The following HTR1F variants were observed in gnomAD, a reference collection of about 807,000 sequenced individuals.
HTR1F encodes the protein 5-hydroxytryptamine receptor 1F.
HTR1F carries 17 observed loss-of-function variants against 24.0 expected under a neutral mutation model. The ratio of observed to expected loss-of-function variants is 0.71; its 90% CI spans 0.48 to 1.06. HTR1F has a LOEUF of 1.06. HTR1F is among the 50% of genes least tolerant of loss of function. The pLI is 0.00. For synonymous variants in HTR1F, 186 were observed against 156.8 expected, an observed-to-expected ratio of 1.19 and a Z score of -1.39; for missense variants, 391 against 427.8, an observed-to-expected ratio of 0.91 and a Z score of 0.76.
intron 2 of HTR1F, among the ~76,000 whole-genome samples, chr3:87,848,760 C>G (rs57688062): frequency 0.12 from 18,766 of 151,484 alleles, 1,637 homozygotes; most frequent in African/African-American, 0.22. Flanking sequence ...TCAGCAAAGT[C>G]TCAGGATACA....
At chr3:87,848,486 G>T (rs1350550236) in intron 2 of HTR1F, among the ~76,000 whole-genome samples, 1 of 151,592 alleles carries the variant, frequency 6.6e-6, no homozygotes, top group Admixed American at 6.6e-5. Context: ...TGTTTCATTT[G>T]CTGTGCAGAA....
At chr3:87,898,242 T>A (rs1418758933) in intron 2 of HTR1F, among the ~76,000 whole-genome samples, 2 of 149,872 alleles carry the variant, frequency 1.3e-5, no homozygotes, top group African/African-American at 4.8e-5. Flanking sequence ...ATCAGGTGAG[T>A]TATTTGTGCA....
intron 2 of HTR1F, among the ~76,000 whole-genome samples, chr3:87,985,202 G>A (rs1419519582): frequency 6.6e-6 from 1 of 152,036 alleles, no homozygotes; most frequent in Non-Finnish European, 1.5e-5. Flanking sequence ...GGGTGTGGTG[G>A]CGCATGCCTG....
intron 2 of HTR1F, among the ~76,000 whole-genome samples, chr3:87,924,546 C>T (rs753266294): frequency 6.6e-6 from 1 of 152,012 alleles, no homozygotes; most frequent in Non-Finnish European, 1.5e-5. Flanking sequence ...TTAAGTATTT[C>T]TTGTAAGGCT....
intron 2 of HTR1F, among the ~76,000 whole-genome samples, chr3:87,885,054 C>T (rs1245731224): frequency 1.3e-5 from 2 of 152,172 alleles, no homozygotes; most frequent in Non-Finnish European, 2.9e-5. Flanking sequence ...CTCAGCACCA[C>T]ATCACACTTA....
chr3:87,857,313 C>T (rs1705219292), intron 2 of HTR1F, among the ~76,000 whole-genome samples: 1 of 151,864 alleles, frequency 6.6e-6, no homozygotes. Context: ...ATTACTAAAT[C>T]ATTATAATTT....
intron 2 of HTR1F, among the ~76,000 whole-genome samples, chr3:87,942,945 G>A (rs1469733894): frequency 6.6e-6 from 1 of 152,186 alleles, no homozygotes. Context: ...AGGTGACAGA[G>A]AGGTATGCTT....
chr3:87,953,593 T>A (rs1704881356), intron 2 of HTR1F, among the ~76,000 whole-genome samples: 1 of 151,534 alleles, frequency 6.6e-6, no homozygotes, highest in South Asian at 2.1e-4. Context: ...GGTGGGAATG[T>A]AAATTAGTAC....
intron 2 of HTR1F, among the ~76,000 whole-genome samples, chr3:87,947,256 T>C (rs781388817): frequency 2.0e-5 from 3 of 152,200 alleles, no homozygotes; most frequent in African/African-American, 4.8e-5. Context: ...CAATGCTAAA[T>C]AGAAGTCTTT....
intron 2 of HTR1F, among the ~76,000 whole-genome samples, chr3:87,900,305 C>T (rs887537966): frequency 3.9e-5 from 6 of 152,080 alleles, no homozygotes; most frequent in African/African-American, 1.4e-4. Context: ...ACTTTTAAGG[C>T]AGCAGAATCA....
Position 87,990,833 on chromosome 3 carries a change from C to T in HTR1F, c.84C>T (p.Leu28=), listed in dbSNP as rs781779102. Residue 28 remains leucine (L), a synonymous_variant, in exon 3 of 3, where the codon CTC becomes CTT. Transcript: ENST00000319595. ...TGCCATCCAAAATTCTGGTGTCCCT[C>T]ACTCTGTCTGGGCTGGCACTGATGA... is the stretch of plus-strand genomic sequence containing the variant. ...NRMPSKILVS[L]TLSGLALMTT... 4 of 1,613,996 alleles carry T rather than the reference C, an allele frequency of 2.5e-6. No homozygotes were observed. The highest frequency in any genetic ancestry group is 1.7e-5 in the Admixed American group (1 of 60,006).
intron 2 of HTR1F, among the ~76,000 whole-genome samples, chr3:87,863,248 G>T (rs1705356428): frequency 6.6e-6 from 1 of 152,140 alleles, no homozygotes; most frequent in Admixed American, 6.6e-5. Flanking sequence ...TTGTTGGTTT[G>T]TTTCCAGAGC....
At chr3:87,826,603 A>G (rs1181060117) in intron 2 of HTR1F, among the ~76,000 whole-genome samples, 1 of 152,110 alleles carries the variant, frequency 6.6e-6, no homozygotes, top group Non-Finnish European at 1.5e-5. Context: ...CCTTTGCTTC[A>G]TCTCAGAAAG....
rs530070678 is a variant in HTR1F at position 87,930,693 on chromosome 3, T to A, written c.-42-60015T>A. 2.0e-5 allele frequency among the ~76,000 whole-genome samples: 3 copies of A among 152,294 alleles called. No homozygotes were observed. In the South Asian group the frequency reaches 6.2e-4, roughly 32 times the overall value. On this transcript the variant is annotated intron_variant, in intron 2 of 2. Coordinates refer to ENST00000319595, the MANE Select transcript of HTR1F (RefSeq NM_001322209.2). ...TGCTTCTGGATTCAGCTTGCCAGTA[T>A]TTTGTTGAGGATTTTTGCACTTTAT...
At chr3:87,983,426 A>G (rs1038615130) in intron 2 of HTR1F, among the ~76,000 whole-genome samples, 18 of 152,190 alleles carry the variant, frequency 1.2e-4, no homozygotes, top group Non-Finnish European at 2.6e-4. Context: ...ATACATTTTC[A>G]TACTCCAGCC....
At chr3:87,806,054 G>T (rs1052056416) in intron 1 of HTR1F, among the ~76,000 whole-genome samples, 1 of 151,790 alleles carries the variant, frequency 6.6e-6, no homozygotes, top group African/African-American at 2.4e-5. Context: ...CATAATGACC[G>T]CCAGTTCCAT....
chr3:87,882,192 CTAAAAAGT>C (rs1417820002), intron 2 of HTR1F, among the ~76,000 whole-genome samples: 2 of 151,996 alleles, frequency 1.3e-5, no homozygotes, highest in East Asian at 3.9e-4. Context: ...ATGGCAATCA[CTAAAAAGT>C]CAGGAAACAA....
In HTR1F at chr3:87,990,945, G is replaced by A. The variant is rs746403666; in HGVS notation, c.196G>A (p.Ala66Thr). The change falls in exon 3 of 3, where the codon GCA becomes ACA. Residue 66 changes from alanine (A) to threonine (T), a missense_variant. Coordinates refer to ENST00000319595, the MANE Select transcript of HTR1F (RefSeq NM_001322209.2). ...HPANYLICSL[A>T]VTDFLVAVLV... is the part of the protein sequence containing the mutation. ...AGCCAATTATTTAATTTGTTCCCTT[G>A]CAGTCACAGATTTTCTTGTGGCTGT... 1 of 1,614,102 alleles carries A rather than the reference G, an allele frequency of 6.2e-7. No individual in the cohort carries two copies. Among genetic ancestry groups the A allele is most frequent in the Non-Finnish European group, 8.5e-7 (1 of 1,179,992 alleles).
At chr3:87,908,280 T>C (rs1703707513) in intron 2 of HTR1F, among the ~76,000 whole-genome samples, 1 of 151,962 alleles carries the variant, frequency 6.6e-6, no homozygotes, top group Non-Finnish European at 1.5e-5. Flanking sequence ...AAGAAGTAGA[T>C]TGATATCACT....
Sources: gnomAD v4.1 joint callset for allele counts (sites outside exome capture counted in the v4.1 genomes callset) on GRCh38, gnomAD v4.1.1 for gene constraint, MANE v1.5 for transcripts, NCBI Gene and HGNC (gene_info 2026-07-23, HGNC 2026-07-21) for gene names.